Variants in RXRA observed in about 807,000 individuals in gnomAD.
RXRA encodes the protein retinoic acid receptor RXR-alpha.
A neutral mutation model predicts 44.5 loss-of-function variants in RXRA; 5 were observed. That is an observed-to-expected ratio of 0.11 (90% CI 0.06 to 0.24). The LOEUF is 0.24. Ranked by LOEUF, RXRA falls within the 10% of genes least tolerant of loss-of-function variation. The pLI is 1.00. For synonymous variants in RXRA, 291 were observed against 271.4 expected, an observed-to-expected ratio of 1.07 and a Z score of -0.71; for missense variants, 412 against 646.5, an observed-to-expected ratio of 0.64 and a Z score of 3.93.
At chr9:134,361,969 G>T (rs748287526) in intron 1 of RXRA, among the ~76,000 whole-genome samples, 6 of 152,168 alleles carry the variant, frequency 3.9e-5, no homozygotes, top group East Asian at 1.9e-4. Flanking sequence ...TTCTGATGCC[G>T]CCGGGCTCCG....
intron 1 of RXRA, 22 bp downstream of exon 1, chr9:134,326,681 C>T: frequency 4.8e-6 from 4 of 838,870 alleles, no homozygotes; most frequent in Non-Finnish European, 4.3e-6. Flanking sequence ...CCGGGCCGGG[C>T]GGGGACGGGG....
chr9:134,407,748 G>A lies in RXRA; in HGVS notation c.280-401G>A, dbSNP rs1305023946. The stretch of plus-strand genomic sequence containing the variant: ...TGTGTGGGTTGGGACCCCCCAGAGT[G>A]CCTGCCTCATGGAGTGTCCGGGGGC... On this transcript the variant is annotated intron_variant, in intron 2 of 9. Transcript: ENST00000481739. This position sits in a 1 kb window ranked among gnomAD's most constrained non-coding sequence, Gnocchi z 4.8. Among the ~76,000 whole-genome samples, 1 of 152,132 alleles carries A rather than the reference G, an allele frequency of 6.6e-6. No individual in the cohort carries two copies. Among genetic ancestry groups the A allele is most frequent in the Non-Finnish European group, 1.5e-5 (1 of 68,010 alleles).
chr9:134,385,535 G>GC (rs35493224), intron 1 of RXRA, among the ~76,000 whole-genome samples: 9 of 152,260 alleles, frequency 5.9e-5, no homozygotes, highest in Admixed American at 2.6e-4. Context: ...CCCACAGGAC[G>GC]CCCCCCAGGA....
At position 134,407,524 on chromosome 9, in the gene RXRA, G is replaced by C. The variant is rs768069352; in HGVS notation, c.280-625G>C. 3.3e-5 allele frequency among the ~76,000 whole-genome samples: 5 copies of C among 152,244 alleles called. No homozygotes were observed. The highest frequency in any genetic ancestry group is 7.3e-5 in the Non-Finnish European group (5 of 68,032). On this transcript the variant is annotated intron_variant, in intron 2 of 9. Coordinates refer to ENST00000481739, the MANE Select transcript of RXRA (RefSeq NM_002957.6). The surrounding 1 kb of genome is among the most constrained non-coding windows in gnomAD (Gnocchi z 4.8). ...TTCCCACGCTTGCCCGGGCGGCAGC[G>C]TGCGGGCCGGCGGGTGGGGCGGAGG...
intron 5 of RXRA, among the ~76,000 whole-genome samples, chr9:134,418,105 G>GA (rs1831270613): frequency 6.6e-6 from 1 of 152,116 alleles, no homozygotes; most frequent in South Asian, 2.1e-4. Context: ...GGGGCGTTCT[G>GA]AGCCCCTCCT....
chr9:134,433,441 G>A lies in RXRA; in HGVS notation c.1136-661G>A, dbSNP rs1480525196. Among the ~76,000 whole-genome samples the A allele has an allele frequency of 3.3e-5, 5 of 149,366 alleles. No homozygotes were observed. The highest frequency in any genetic ancestry group is 1.3e-4 in the African/African-American group (5 of 38,956). The stretch of plus-strand genomic sequence containing the variant: ...GGCGAGGAGACTGGCTGGAGCGGAG[G>A]CAGCTGGGGGAGCCAGGTACGTTGC... On this transcript the variant is annotated intron_variant, in intron 8 of 9. Transcript: ENST00000481739. This position sits in a 1 kb window ranked among gnomAD's most constrained non-coding sequence, Gnocchi z 4.2.
rs1247075874 is a variant in RXRA, at chr9:134,417,732, C to T, written c.780+405C>T. Among the ~76,000 whole-genome samples the T allele has an allele frequency of 6.6e-6, 1 of 152,164 alleles. No individual in the cohort carries two copies. The highest frequency in any genetic ancestry group is 1.5e-5 in the Non-Finnish European group (1 of 68,012). On this transcript the variant is annotated intron_variant, in intron 5 of 9. Transcript: ENST00000481739. The surrounding 1 kb of genome is among the most constrained non-coding windows in gnomAD (Gnocchi z 6.1). Reference sequence around the variant, plus strand: ...GTATGGGAGGAGGCCGAGCCCCCAGCAAGAGGCTCTGCAGGTTGGTTCCAG... The same window carrying T: ...GTATGGGAGGAGGCCGAGCCCCCAGTAAGAGGCTCTGCAGGTTGGTTCCAG...
rs554040298 is a variant in RXRA, at chr9:134,366,192, G to T, written c.29-35440G>T. 6.6e-6 allele frequency among the ~76,000 whole-genome samples: 1 copy of T among 152,166 alleles called. No homozygotes were observed. The highest frequency in any genetic ancestry group is 2.1e-4 in the South Asian group (1 of 4,834). ...AGGCGGCAGAGCCTCTGGTGGCTCC[G>T]TGTGGCATGTTCTGGGCTGTGTGTG... On this transcript the variant is annotated intron_variant, in intron 1 of 9. Coordinates refer to ENST00000481739, the MANE Select transcript of RXRA (RefSeq NM_002957.6). This position sits in a 1 kb window ranked among gnomAD's most constrained non-coding sequence, Gnocchi z 5.9.
chr9:134,402,307 G>A (rs915472980), intron 2 of RXRA: 1 of 178,130 alleles, frequency 5.6e-6, no homozygotes, highest in Admixed American at 6.1e-5. Context: ...GGCCCCCAGG[G>A]AAGGCGTGTT....
At chr9:134,337,251 G>A (rs191267832) in intron 1 of RXRA, among the ~76,000 whole-genome samples, 1 of 152,308 alleles carries the variant, frequency 6.6e-6, no homozygotes, top group Admixed American at 6.5e-5. Context: ...CAGTGTGGGG[G>A]GTCAAGGCCA....
At chr9:134,422,451 C>T (rs1831359802) in intron 6 of RXRA, 7 of 1,265,524 alleles carry the variant, frequency 5.5e-6, no homozygotes, top group Non-Finnish European at 7.2e-6. Context: ...TAGACACTCC[C>T]TACTCCCGGG....
chr9:134,399,614 A>G (rs965317890), intron 1 of RXRA, among the ~76,000 whole-genome samples: 2 of 152,338 alleles, frequency 1.3e-5, no homozygotes, highest in Non-Finnish European at 1.5e-5. Flanking sequence ...TGAATGACCA[A>G]TAGGGCTGGT....
chr9:134,358,935 C>G (rs1830316855), intron 1 of RXRA, among the ~76,000 whole-genome samples: 2 of 152,198 alleles, frequency 1.3e-5, no homozygotes, highest in African/African-American at 4.8e-5. Context: ...CCAACAGCCC[C>G]ACGTGGCAGG....
chr9:134,339,215 A>G lies in RXRA; in HGVS notation c.28+12556A>G, dbSNP rs567669250. 2.0e-4 allele frequency among the ~76,000 whole-genome samples: 30 copies of G among 152,360 alleles called. No individual in the cohort carries two copies. The East Asian group carries it at 5.6e-3, about 28-fold the overall frequency. On this transcript the variant is annotated intron_variant, in intron 1 of 9. Transcript: ENST00000481739. ...CTGGAGAGCTCTTGGCAGAAAGGCC[A>G]GGACTGAGGTGGCTGGCATGGCGCC... is the stretch of plus-strand genomic sequence containing the variant.
In RXRA at chr9:134,422,605, A is replaced by G. The variant is rs146904990; in HGVS notation, c.910+800A>G. 5.7e-5 allele frequency: 46 copies of G among 803,010 alleles called. No homozygotes were observed. In the East Asian group the frequency reaches 1.0e-3, roughly 18 times the overall value. The allele number at this position is 803,010 out of a possible 1,614,324, so 49.7% of individuals were successfully genotyped here. ...CTCTCCCGGGACACTCCCCGCTCCC[A>G]GGACGCTCCCCACTCCCGGGACACT... On this transcript the variant is annotated intron_variant, in intron 6 of 9. Transcript: ENST00000481739.
chr9:134,378,476 T>TGG (rs1440151750), intron 1 of RXRA, among the ~76,000 whole-genome samples: 3 of 152,234 alleles, frequency 2.0e-5, no homozygotes, highest in African/African-American at 7.2e-5. Flanking sequence ...AAGGGTCCTG[T>TGG]GGCCTGGAGG....
In RXRA at chr9:134,409,094, C is replaced by T. The variant is rs939749088; in HGVS notation, c.585C>T (p.Cys195=). ...NRCQYCRYQK[C]LAMGMKREAV... ...GCCAGTACTGCCGCTACCAGAAGTG[C>T]CTGGCCATGGGCATGAAGCGGGAAG... The change falls in exon 4 of 10, where the codon TGC becomes TGT. Residue 195 remains cysteine (C), a synonymous_variant. Coordinates refer to ENST00000481739, the MANE Select transcript of RXRA (RefSeq NM_002957.6). 6.2e-7 allele frequency: 1 copy of T among 1,600,040 alleles called. No homozygotes were observed. The highest frequency in any genetic ancestry group is 8.5e-7 in the Non-Finnish European group (1 of 1,173,208).
intron 9 of RXRA, among the ~76,000 whole-genome samples, chr9:134,435,689 C>G (rs1831608056): frequency 6.6e-6 from 1 of 152,172 alleles, no homozygotes; most frequent in Non-Finnish European, 1.5e-5. Flanking sequence ...GACTCCCCCT[C>G]CCCCGCCTGA....
intron 1 of RXRA, among the ~76,000 whole-genome samples, chr9:134,361,660 C>T (rs973337752): frequency 6.6e-6 from 1 of 152,228 alleles, no homozygotes; most frequent in Non-Finnish European, 1.5e-5. Context: ...TAATTTGTGT[C>T]TCCTAATTGC....
Sources: allele counts gnomAD v4.1 joint callset (sites outside exome capture counted in the v4.1 genomes callset), GRCh38; gene constraint gnomAD v4.1.1; non-coding constraint Gnocchi (gnomAD v3.1); transcripts MANE v1.5; gene names NCBI Gene and HGNC (gene_info 2026-07-23, HGNC 2026-07-21).